Variants in FANCF observed in about 807,000 individuals in gnomAD.
FANCF encodes Fanconi anemia group F protein.
For synonymous variants in FANCF, 257 were observed against 205.9 expected (o/e 1.25, Z -2.13); for missense variants, 552 against 481.8 (o/e 1.15, Z -1.36).
chr11:22,625,822 A>G lies in FANCF; in HGVS notation c.-12T>C, dbSNP rs765503135. 6.8e-6 allele frequency: 11 copies of G among 1,613,818 alleles called. No individual in the cohort carries two copies. Among genetic ancestry groups the G allele is most frequent in the Non-Finnish European group, 9.3e-6 (11 of 1,180,022 alleles). On this transcript the variant is annotated 5_prime_UTR_variant, in exon 1 of 1. Coordinates refer to ENST00000327470, the MANE Select transcript of FANCF (RefSeq NM_022725.4). The stretch of plus-strand genomic sequence containing the variant: ...AGAAGGGATTCCATGAGGTGCGCGA[A>G]GGCCCTACTTCCGCTTTCACCTTGG...
At position 22,625,029 on chromosome 11, in the gene FANCF, G is replaced by A. The variant is rs1858620797; in HGVS notation, c.782C>T (p.Thr261Ile). 1 of 1,614,216 alleles carries A rather than the reference G, an allele frequency of 6.2e-7. No individual in the cohort carries two copies. Among genetic ancestry groups the A allele is most frequent in the African/African-American group, 1.3e-5 (1 of 75,048 alleles). ...CGCTGGGTGGCGGCTAGTCACTAAAGTCAAAAGCCCGGCTGGGAGGGCGCG... is the reference window on the plus strand; with the variant it reads ...CGCTGGGTGGCGGCTAGTCACTAAAATCAAAAGCCCGGCTGGGAGGGCGCG... ...FCRALPAGLL[T>I]LVTSRHPALS... is the part of the protein sequence containing the mutation. Residue 261 changes from threonine (T) to isoleucine (I), a missense_variant, in exon 1 of 1, where the codon ACT becomes ATT. Physicochemically the swap from Thr to Ile is moderately conservative, Grantham distance 89. Coordinates refer to ENST00000327470, the MANE Select transcript of FANCF (RefSeq NM_022725.4).
rs1858630702 is a variant in FANCF at position 22,625,456 on chromosome 11, G to C, written c.355C>G (p.Pro119Ala). 1 of 1,614,174 alleles carries C rather than the reference G, an allele frequency of 6.2e-7. No individual in the cohort carries two copies. Among genetic ancestry groups the C allele is most frequent in the Admixed American group, 1.7e-5 (1 of 60,036 alleles). ...TCCTCATCGGCGTCCCGGACGCCCGGGCCGGGAAAGAGTTGCTGCACCAGG... is the reference window on the plus strand; with the variant it reads ...TCCTCATCGGCGTCCCGGACGCCCGCGCCGGGAAAGAGTTGCTGCACCAGG... ...YHLVQQLFPG[P>A]GVRDADEETL... Residue 119 changes from proline (P) to alanine (A), a missense_variant, in exon 1 of 1, where the codon CCG becomes GCG. Transcript: ENST00000327470.
rs1858614394 is a variant in FANCF at position 22,624,751 on chromosome 11, G to A, written c.1060C>T (p.Leu354Phe). Reference protein sequence around the residue: ...LSIWTDLLLALRSGAFRKRQV... With the variant: ...LSIWTDLLLAFRSGAFRKRQV... ...CTTTTCCTAAATGCACCACTACGAAGAGCTAATAAGAGGTCTGTCCAGATG... is the reference window on the plus strand; with the variant it reads ...CTTTTCCTAAATGCACCACTACGAAAAGCTAATAAGAGGTCTGTCCAGATG... The change falls in exon 1 of 1, where the codon CTT becomes TTT. Residue 354 changes from leucine (L) to phenylalanine (F), a missense_variant. Coordinates refer to ENST00000327470, the MANE Select transcript of FANCF (RefSeq NM_022725.4). The A allele has an allele frequency of 6.2e-7, 1 of 1,614,030 alleles. No individual in the cohort carries two copies. Among genetic ancestry groups the A allele is most frequent in the Non-Finnish European group, 8.5e-7 (1 of 1,180,042 alleles).
rs1361270070 is a variant in FANCF, at chr11:22,625,065, G to A, written c.746C>T (p.Ala249Val). 6.2e-7 allele frequency: 1 copy of A among 1,614,106 alleles called. No homozygotes were observed. The highest frequency in any genetic ancestry group is 1.1e-5 in the South Asian group (1 of 91,080). ...HWLLGNSEVF[A>V]AFCRALPAGL... ...GGCTGGGAGGGCGCGACAAAAGGCA[G>A]CAAAGACTTCCGAATTCCCCAGAAG... Residue 249 changes from alanine to valine, a missense_variant, in exon 1 of 1, where the codon GCT (alanine) becomes GTT (valine). Coordinates refer to ENST00000327470, the MANE Select transcript of FANCF (RefSeq NM_022725.4).
At position 22,625,040 on chromosome 11, in the gene FANCF, G is replaced by A. The variant is rs373854592; in HGVS notation, c.771C>T (p.Ala257=). The A allele has an allele frequency of 3.8e-5, 62 of 1,614,056 alleles. No individual in the cohort carries two copies. Among genetic ancestry groups the A allele is most frequent in the Non-Finnish European group, 5.2e-5 (61 of 1,180,026 alleles). Residue 257 remains alanine, a synonymous_variant, in exon 1 of 1, where the codon GCC becomes GCT. Transcript: ENST00000327470. ...VFAAFCRALP[A]GLLTLVTSRH... is the part of the protein sequence containing the mutation. ...GGCTAGTCACTAAAGTCAAAAGCCC[G>A]GCTGGGAGGGCGCGACAAAAGGCAG...
chr11:22,625,257 G>T lies in FANCF; in HGVS notation c.554C>A (p.Pro185His), dbSNP rs1172030704. 4.3e-6 allele frequency: 7 copies of T among 1,614,028 alleles called. No homozygotes were observed. Among genetic ancestry groups the T allele is most frequent in the Non-Finnish European group, 5.9e-6 (7 of 1,180,036 alleles). Reference protein sequence around the residue: ...QEVGKAEAERPARFLSSLWER... With the variant: ...QEVGKAEAERHARFLSSLWER... ...CCACAGGCTGCTGAGAAACCTGGCGGGACGCTCCGCTTCGGCCTTCCCCAC... is the reference window on the plus strand; with the variant it reads ...CCACAGGCTGCTGAGAAACCTGGCGTGACGCTCCGCTTCGGCCTTCCCCAC... Residue 185 changes from proline (P) to histidine (H), a missense_variant, in exon 1 of 1, where the codon CCC becomes CAC. Transcript: ENST00000327470.
At position 22,625,124 on chromosome 11, in the gene FANCF, T is replaced by A. The variant is rs776140806; in HGVS notation, c.687A>T (p.Ser229=). The A allele has an allele frequency of 2.6e-4, 415 of 1,608,644 alleles. No individual in the cohort carries two copies. Among genetic ancestry groups the A allele is most frequent in the Non-Finnish European group, 3.3e-4 (391 of 1,176,798 alleles). ...CTAGCACTTGGCTCCCCTCTCCAGGTGATTTGTGGATGCCGGGTTCCAACT... is the reference window on the plus strand; with the variant it reads ...CTAGCACTTGGCTCCCCTCTCCAGGAGATTTGTGGATGCCGGGTTCCAACT... ...QEELEPGIHK[S]PGEGSQVLVH... The change falls in exon 1 of 1, where the codon TCA becomes TCT. Residue 229 remains serine (S), a synonymous_variant. Coordinates refer to ENST00000327470, the MANE Select transcript of FANCF (RefSeq NM_022725.4).
Position 22,625,346 on chromosome 11 carries a change from T to C in FANCF, c.465A>G (p.Pro155=). 2 of 1,614,174 alleles carry C rather than the reference T, an allele frequency of 1.2e-6. No homozygotes were observed. The highest frequency in any genetic ancestry group is 1.7e-6 in the Non-Finnish European group (2 of 1,180,034). Residue 155 remains proline, a synonymous_variant, in exon 1 of 1, where the codon CCA becomes CCG. Transcript: ENST00000327470. The part of the protein sequence containing the change: ...MLRFNGYREN[P]NLQEDSLMKT... ...TCATCAGAGAGTCCTCCTGGAGATT[T>C]GGGTTCTCTCTATAGCCATTGAAGC...
rs776347203 is a variant in FANCF, at chr11:22,625,522, G to A, written c.289C>T (p.Leu97=). 8 of 1,614,194 alleles carry A rather than the reference G, an allele frequency of 5.0e-6. No homozygotes were observed. Among genetic ancestry groups the A allele is most frequent in the African/African-American group, 1.3e-5 (1 of 75,064 alleles). ...TCCCCGAGGGCCCGGTTCTCCAGCA[G>A]GCGCAGAGAGAGCAGGACGTCACAG... ...GHCDVLLSLR[L]LENRALGDAA... is the part of the protein sequence containing the mutation. Residue 97 remains leucine, a synonymous_variant, in exon 1 of 1, where the codon CTG becomes TTG. Coordinates refer to ENST00000327470, the MANE Select transcript of FANCF (RefSeq NM_022725.4).
rs1554963473 is a variant in FANCF, at chr11:22,623,043, TA to T, written c.*1642del. 1.9e-5 allele frequency: 4 copies of T among 205,438 alleles called. No individual in the cohort carries two copies. Among genetic ancestry groups the T allele is most frequent in the Non-Finnish European group, 3.0e-5 (3 of 100,400 alleles). 12.7% of individuals were successfully genotyped at this position (205,438 alleles called of 1,614,324 possible). A position where few individuals can be genotyped will look rare whatever the true frequency, so the allele number is the denominator to read the frequency against. ...TAGAACTCTTCACTGGGTTGTTTCT[TA>T]AAAAAAATTCACGCAACTGACAGGA... On this transcript the variant is annotated 3_prime_UTR_variant, in exon 1 of 1. Transcript: ENST00000327470.
rs2133795390 is a variant in FANCF at position 22,623,970 on chromosome 11, G to GTGGTGT, written c.*715_*716insACACCA. 4.6e-6 allele frequency: 1 copy of GTGGTGT among 216,372 alleles called. No homozygotes were observed. The highest frequency in any genetic ancestry group is 6.8e-5 in the East Asian group (1 of 14,656). 13.4% of individuals were successfully genotyped at this position (216,372 alleles called of 1,614,324 possible). On this transcript the variant is annotated 3_prime_UTR_variant, in exon 1 of 1. Coordinates refer to ENST00000327470, the MANE Select transcript of FANCF (RefSeq NM_022725.4). ...CACACCACTGCACTCCAGTCTGGGT[G>GTGGTGT]ACAGAGCGAGACTCCATCTCAAAAA...
At position 22,625,529 on chromosome 11, in the gene FANCF, A is replaced by G. The variant is rs1345085149; in HGVS notation, c.282T>C (p.Ser94=). 6.2e-7 allele frequency: 1 copy of G among 1,614,064 alleles called. No individual in the cohort carries two copies. Among genetic ancestry groups the G allele is most frequent in the African/African-American group, 1.3e-5 (1 of 74,940 alleles). ...GGGCCCGGTTCTCCAGCAGGCGCAG[A>G]GAGAGCAGGACGTCACAGTGACCGA... ...QALGHCDVLL[S]LRLLENRALG... is the part of the protein sequence containing the mutation. The change falls in exon 1 of 1, where the codon TCT becomes TCC. Residue 94 remains serine, a synonymous_variant. Transcript: ENST00000327470.
chr11:22,625,019 A>T lies in FANCF; in HGVS notation c.792T>A (p.Thr264=). The T allele has an allele frequency of 6.2e-7, 1 of 1,614,188 alleles. No individual in the cohort carries two copies. The highest frequency in any genetic ancestry group is 8.5e-7 in the Non-Finnish European group (1 of 1,180,040). Residue 264 remains threonine (T), a synonymous_variant, in exon 1 of 1, where the codon ACT becomes ACA. Coordinates refer to ENST00000327470, the MANE Select transcript of FANCF (RefSeq NM_022725.4). ...ALPAGLLTLV[T]SRHPALSPVY... ...CAGGAGACAGCGCTGGGTGGCGGCT[A>T]GTCACTAAAGTCAAAAGCCCGGCTG...
Position 22,625,401 on chromosome 11 carries a change from G to A in FANCF, c.410C>T (p.Ala137Val), listed in dbSNP as rs2133797830. The A allele has an allele frequency of 6.2e-7, 1 of 1,614,200 alleles. No homozygotes were observed. The highest frequency in any genetic ancestry group is 1.1e-5 in the South Asian group (1 of 91,090). The change falls in exon 1 of 1, where the codon GCC becomes GTC. Residue 137 changes from alanine (A) to valine (V), a missense_variant. Coordinates refer to ENST00000327470, the MANE Select transcript of FANCF (RefSeq NM_022725.4). ...CATGTGCACCGCAGACCGCCGGCGG[G>A]CAAGGCGGGCCAGGCTCTCTTGGAG... The part of the protein sequence containing the change: ...ETLQESLARL[A>V]RRRSAVHMLR...
Position 22,625,408 on chromosome 11 carries a change from G to A in FANCF, c.403C>T (p.Arg135Cys), listed in dbSNP as rs2133797855. 1 of 1,614,078 alleles carries A rather than the reference G, an allele frequency of 6.2e-7. No individual in the cohort carries two copies. Among genetic ancestry groups the A allele is most frequent in the East Asian group, 2.2e-5 (1 of 44,876 alleles). ...ACCGCAGACCGCCGGCGGGCAAGGCGGGCCAGGCTCTCTTGGAGTGTCTCC... is the reference window on the plus strand; with the variant it reads ...ACCGCAGACCGCCGGCGGGCAAGGCAGGCCAGGCTCTCTTGGAGTGTCTCC... ...DEETLQESLARLARRRSAVHM... is the reference protein window; with the variant it reads ...DEETLQESLACLARRRSAVHM... The change falls in exon 1 of 1, where the codon CGC (arginine) becomes TGC (cysteine). Residue 135 changes from arginine (R) to cysteine (C), a missense_variant. Physicochemically the swap from Arg to Cys is radical, Grantham distance 180. Coordinates refer to ENST00000327470, the MANE Select transcript of FANCF (RefSeq NM_022725.4).
Position 22,625,725 on chromosome 11 carries a change from G to T in FANCF, c.86C>A (p.Ala29Asp), listed in dbSNP as rs745578067. The T allele has an allele frequency of 3.1e-6, 5 of 1,614,174 alleles. No homozygotes were observed. The highest frequency in any genetic ancestry group is 1.3e-5 in the African/African-American group (1 of 75,066). ...STTYVSTWDP[A>D]TVRRALQWAR... ...CCACTGCAAGGCCCGGCGCACGGTG[G>T]CGGGGTCCCAGGTGCTGACGTAGGT... Residue 29 changes from alanine to aspartate, a missense_variant, in exon 1 of 1, where the codon GCC becomes GAC. Coordinates refer to ENST00000327470, the MANE Select transcript of FANCF (RefSeq NM_022725.4).
At position 22,623,043 on chromosome 11, in the gene FANCF, T is replaced by TC. The variant is rs934580777; in HGVS notation, c.*1642_*1643insG. 1 of 205,424 alleles carries TC rather than the reference T, an allele frequency of 4.9e-6. No individual in the cohort carries two copies. Among genetic ancestry groups the TC allele is most frequent in the Non-Finnish European group, 1.0e-5 (1 of 100,388 alleles). 12.7% of individuals were successfully genotyped at this position (205,424 alleles called of 1,614,324 possible). A position where few individuals can be genotyped will look rare whatever the true frequency, so the allele number is the denominator to read the frequency against. On this transcript the variant is annotated 3_prime_UTR_variant, in exon 1 of 1. Transcript: ENST00000327470. ...TAGAACTCTTCACTGGGTTGTTTCT[T>TC]AAAAAAAATTCACGCAACTGACAGG...
In FANCF at chr11:22,625,081, T is replaced by C. The variant is rs1590541062; in HGVS notation, c.730A>G (p.Asn244Asp). The C allele has an allele frequency of 6.2e-7, 1 of 1,613,734 alleles. No individual in the cohort carries two copies. Among genetic ancestry groups the C allele is most frequent in the Non-Finnish European group, 8.5e-7 (1 of 1,179,822 alleles). Residue 244 changes from asparagine (N) to aspartate (D), a missense_variant, in exon 1 of 1, where the codon AAT (asparagine) becomes GAT (aspartate). Physicochemically the swap from Asn to Asp is conservative, Grantham distance 23. Coordinates refer to ENST00000327470, the MANE Select transcript of FANCF (RefSeq NM_022725.4). ...SQVLVHWLLG[N>D]SEVFAAFCRA... ...CAAAAGGCAGCAAAGACTTCCGAAT[T>C]CCCCAGAAGCCAGTGGACTAGCACT...
Position 22,625,583 on chromosome 11 carries a change from T to A in FANCF, c.228A>T (p.Pro76=). The change falls in exon 1 of 1, where the codon CCA becomes CCT. Residue 76 remains proline, a synonymous_variant. Coordinates refer to ENST00000327470, the MANE Select transcript of FANCF (RefSeq NM_022725.4). ...WRQEGGFGRG[P]VPGLANFQAL... is the part of the protein sequence containing the mutation. ...CCTGGAAGTTCGCTAATCCCGGAAC[T>A]GGACCCCGCCCAAAGCCGCCCTCTT... 6.2e-7 allele frequency: 1 copy of A among 1,613,928 alleles called. No homozygotes were observed. Among genetic ancestry groups the A allele is most frequent in the East Asian group, 2.2e-5 (1 of 44,874 alleles).
Sources: gnomAD v4.1 joint callset for allele counts on GRCh38, gnomAD v4.1.1 for gene constraint, MANE v1.5 for transcripts, NCBI Gene and HGNC (gene_info 2026-07-23, HGNC 2026-07-21) for gene names.